Variants in FBXL18 observed in about 807,000 individuals in gnomAD.
The protein encoded by FBXL18 is F-box/LRR-repeat protein 18.
Under a neutral mutation model 46.0 loss-of-function variants are expected in FBXL18, and 36 were observed. That is an observed-to-expected ratio of 0.78 (90% CI 0.60 to 1.03). The LOEUF (loss-of-function observed/expected upper bound fraction) is 1.03. Among genes scored for constraint, FBXL18 ranks in the 50% least tolerant of loss-of-function variants. FBXL18 has a pLI of 0.00. For missense variants in FBXL18, 977 were observed against 1,004.1 expected, an observed-to-expected ratio of 0.97 and a Z score of 0.36; for synonymous variants, 557 against 465.3, an observed-to-expected ratio of 1.20 and a Z score of -2.54.
intron 3 of FBXL18, among the ~76,000 whole-genome samples, chr7:5,494,929 A>C (rs987680981): frequency 4.6e-5 from 7 of 152,224 alleles, no homozygotes; most frequent in African/African-American, 1.7e-4. Flanking sequence ...CCCCGGAGGA[A>C]GTCACCTGTC....
intron 3 of FBXL18, among the ~76,000 whole-genome samples, chr7:5,493,873 T>C (rs887791537): frequency 6.6e-6 from 1 of 151,712 alleles, no homozygotes; most frequent in Non-Finnish European, 1.5e-5. Flanking sequence ...GTGGCTCACG[T>C]CTATAATCCC....
At chr7:5,469,458 T>C (rs1237710210) in intron 4 of FBXL18, among the ~76,000 whole-genome samples, 1 of 152,142 alleles carries the variant, frequency 6.6e-6, no homozygotes, top group African/African-American at 2.4e-5. Context: ...ATGTGTGTGC[T>C]ACATGAGTGA....
chr7:5,508,240 T>A (rs1158242810), intron 1 of FBXL18, among the ~76,000 whole-genome samples: 3 of 148,372 alleles, frequency 2.0e-5, no homozygotes, highest in Non-Finnish European at 4.5e-5. Context: ...CACTCCAGCC[T>A]GGTGACAGAG....
rs1476606282 is a variant in FBXL18 at position 5,455,534 on chromosome 7, C to T, written c.2001-7691G>A. Among the ~76,000 whole-genome samples, 1 of 152,116 alleles carries T rather than the reference C, an allele frequency of 6.6e-6. No individual in the cohort carries two copies. The highest frequency in any genetic ancestry group is 1.5e-5 in the Non-Finnish European group (1 of 68,028). On this transcript the variant is annotated intron_variant and NMD_transcript_variant, in intron 4 of 6. Transcript: ENST00000415009. The surrounding 1 kb of genome is among the most constrained non-coding windows in gnomAD (Gnocchi z 4.6). ...CACAAGCCCAGCCCCTCCTGTCCTCCCTGATTCCCCACAGGACAGTGCCAT... is the reference window on the plus strand; with the variant it reads ...CACAAGCCCAGCCCCTCCTGTCCTCTCTGATTCCCCACAGGACAGTGCCAT...
downstream of FBXL18, among the ~76,000 whole-genome samples, chr7:5,472,175 A>G (rs1312615416): frequency 1.3e-5 from 2 of 151,648 alleles, no homozygotes; most frequent in East Asian, 3.9e-4. Flanking sequence ...CGCTGCCCCC[A>G]CTACACCCCC....
intron 3 of FBXL18, chr7:5,495,843 C>T (rs752134836): frequency 8.1e-5 from 39 of 481,112 alleles, no homozygotes; most frequent in Admixed American, 2.1e-4. Flanking sequence ...GTCTGGGAAC[C>T]GGCATTTGTT....
chr7:5,513,571 C>CA lies in FBXL18; in HGVS notation c.18+85dup, dbSNP rs1784596559. ...GGTAGGGGTCGGGATAGAAAGGATG[C>CA]AAGGGAACCCGGGTCGGGATGGAAG... is the stretch of plus-strand genomic sequence containing the variant. On this transcript the variant is annotated intron_variant, in intron 1 of 4. Coordinates refer to ENST00000382368, the MANE Select transcript of FBXL18 (RefSeq NM_024963.6). 1.9e-5 allele frequency: 28 copies of CA among 1,499,098 alleles called. No individual in the cohort carries two copies. In the East Asian group the frequency reaches 6.6e-4, roughly 35 times the overall value. The allele number at this position is 1,499,098 out of a possible 1,614,324, so 92.9% of individuals were successfully genotyped here. A position where few individuals can be genotyped will look rare whatever the true frequency, so the allele number is the denominator to read the frequency against.
intron 4 of FBXL18, among the ~76,000 whole-genome samples, chr7:5,485,673 C>T (rs555100709): frequency 2.7e-4 from 41 of 152,096 alleles, no homozygotes; most frequent in African/African-American, 9.2e-4. Flanking sequence ...TTTGGGAGGC[C>T]GAGGCGGGCA....
At chr7:5,513,623 G>A in intron 1 of FBXL18, 34 bp downstream of exon 1, 3 of 1,611,494 alleles carry the variant, frequency 1.9e-6, no homozygotes, top group Non-Finnish European at 2.5e-6. Context: ...GGCCGCCGAG[G>A]CAGAAGCAGA....
Position 5,467,399 on chromosome 7 carries a change from AGCTGGGTG to A in FBXL18, c.2001-19564_2001-19557del, listed in dbSNP as rs1287858119. 5.9e-5 allele frequency among the ~76,000 whole-genome samples: 9 copies of A among 151,536 alleles called. No homozygotes were observed. In the South Asian group the frequency reaches 1.7e-3, roughly 28 times the overall value. ...AAATAATAAATAAAAATAAAAAATT[AGCTGGGTG>A]TGGTGGTGGGCACCTATAATCCCAG... On this transcript the variant is annotated intron_variant and NMD_transcript_variant, in intron 4 of 6. Transcript: ENST00000415009.
rs57672683 is a variant in FBXL18 at position 5,463,731 on chromosome 7, T to TATTTATTTA, written c.2001-15889_2001-15888insTAAATAAAT. Among the ~76,000 whole-genome samples the TATTTATTTA allele has an allele frequency of 3.1e-3, 166 of 53,746 alleles. 2 individuals are homozygous for TATTTATTTA. Among genetic ancestry groups the TATTTATTTA allele is most frequent in the Middle Eastern group, 9.1e-3 (1 of 110 alleles). The allele number at this position is 53,746 out of a possible 152,430, so 35.3% of individuals were successfully genotyped here. On this transcript the variant is annotated intron_variant and NMD_transcript_variant, in intron 4 of 6. Coordinates refer to the FBXL18 transcript ENST00000415009. ...TTATTTATTTATTTATTTATTTATT[T>TATTTATTTA]TTTTTTTTTTTTTTTTTTTTTTTTT...
In FBXL18 at chr7:5,476,632, CTTTT is replaced by C. The variant is rs780853194; in HGVS notation, c.*5139_*5142del. 6.7e-6 allele frequency: 1 copy of C among 149,546 alleles called. No homozygotes were observed. Among genetic ancestry groups the C allele is most frequent in the Admixed American group, 6.7e-5 (1 of 14,894 alleles). 9.3% of individuals were successfully genotyped at this position (149,546 alleles called of 1,614,324 possible). On this transcript the variant is annotated 3_prime_UTR_variant, in exon 5 of 5. Transcript: ENST00000382368. Reference sequence around the variant, plus strand: ...AGGCACATGTACAATGCCCAGCTAACTTTTTTTTTTATTTTATGTAGCGATACAG... The same window carrying C: ...AGGCACATGTACAATGCCCAGCTAACTTTTTTATTTTATGTAGCGATACAG...
intron 1 of FBXL18, among the ~76,000 whole-genome samples, chr7:5,512,479 G>T (rs1784566000): frequency 6.6e-6 from 1 of 152,098 alleles, no homozygotes; most frequent in African/African-American, 2.4e-5. Flanking sequence ...GCCAGGTGTG[G>T]TGATGCACAC....
In FBXL18 at chr7:5,475,930, G is replaced by A. The variant is rs569107676; in HGVS notation, c.*5845C>T. 3.9e-5 allele frequency: 6 copies of A among 152,414 alleles called. No individual in the cohort carries two copies. Among genetic ancestry groups the A allele is most frequent in the Admixed American group, 3.3e-4 (5 of 15,288 alleles). 9.4% of individuals were successfully genotyped at this position (152,414 alleles called of 1,614,324 possible). On this transcript the variant is annotated 3_prime_UTR_variant, in exon 5 of 5. Transcript: ENST00000382368. This position sits in a 1 kb window ranked among gnomAD's most constrained non-coding sequence, Gnocchi z 4.2. The stretch of plus-strand genomic sequence containing the variant: ...AGCAGGCATCACCGTGAGACGCCAC[G>A]GGGGCAGGTCAGCGGGACGGGGACA...
intron 1 of FBXL18, among the ~76,000 whole-genome samples, chr7:5,508,440 T>A (rs6967176): frequency 0.26 from 33,919 of 132,590 alleles, 4,309 homozygotes; most frequent in Middle Eastern, 0.31. Context: ...AGACTTTGTC[T>A]AAAAAAAAAA....
At chr7:5,460,634 G>T (rs1272652624) in intron 4 of FBXL18, among the ~76,000 whole-genome samples, 3 of 152,150 alleles carry the variant, frequency 2.0e-5, no homozygotes, top group African/African-American at 7.2e-5. Flanking sequence ...TGTATTTTTA[G>T]TAGAGATGGG....
chr7:5,499,939 C>T (rs1291907130), intron 3 of FBXL18, among the ~76,000 whole-genome samples: 1 of 151,724 alleles, frequency 6.6e-6, no homozygotes, highest in East Asian at 1.9e-4. Context: ...ATGGCATATG[C>T]CTGTAGTCCC....
chr7:5,512,029 A>AT (rs1435616415), intron 1 of FBXL18, among the ~76,000 whole-genome samples: 1 of 150,468 alleles, frequency 6.6e-6, no homozygotes, highest in Non-Finnish European at 1.5e-5. Context: ...AGGTCAGGAG[A>AT]TTGAGACCAT....
At chr7:5,454,572 C>CGTA (rs1783146875) in intron 4 of FBXL18, among the ~76,000 whole-genome samples, 4 of 152,086 alleles carry the variant, frequency 2.6e-5, no homozygotes, top group Admixed American at 2.0e-4. Context: ...GTCTTGTTAC[C>CGTA]CATCCAGACT....
Sources: allele counts gnomAD v4.1 joint callset (sites outside exome capture counted in the v4.1 genomes callset), GRCh38; gene constraint gnomAD v4.1.1; non-coding constraint Gnocchi (gnomAD v3.1); transcripts MANE v1.5; gene names NCBI Gene and HGNC (gene_info 2026-07-23, HGNC 2026-07-21).